RIT2: variants seen among roughly 807,000 people sequenced by gnomAD.
RIT2 encodes the protein GTP-binding protein Rit2.
RIT2 carries 24 observed loss-of-function variants against 23.7 expected under a neutral mutation model. That is an observed-to-expected ratio of 1.01 (90% CI 0.73 to 1.43). The LOEUF is 1.43. RIT2 is among the 40% of genes most tolerant of loss of function. The pLI is 0.00. For missense variants in RIT2, 236 were observed against 266.9 expected, an observed-to-expected ratio of 0.88 and a Z score of 0.81; for synonymous variants, 107 against 91.1, an observed-to-expected ratio of 1.17 and a Z score of -0.99.
At chr18:43,086,400 C>A (rs2144354202) in intron 1 of RIT2, among the ~76,000 whole-genome samples, 1 of 152,202 alleles carries the variant, frequency 6.6e-6, no homozygotes, top group Non-Finnish European at 1.5e-5. Flanking sequence ...ATGCAACCTA[C>A]CAAGACTGAA....
intron 4 of RIT2, among the ~76,000 whole-genome samples, chr18:42,827,737 G>A (rs1244224372): frequency 1.3e-5 from 2 of 152,104 alleles, no homozygotes; most frequent in East Asian, 1.9e-4. Flanking sequence ...CAGGCGTGGT[G>A]GCTCATGCCT....
At position 42,941,984 on chromosome 18, in the gene RIT2, A is replaced by G. The variant is rs144800492; in HGVS notation, c.235-18221T>C. ...AATTTGTTTAATCTCTGTCATTTCC[A>G]TTATAGCAGTTTATGCAAGGATAAG... is the stretch of plus-strand genomic sequence containing the variant. On this transcript the variant is annotated intron_variant, in intron 3 of 4. Transcript: ENST00000326695. Among the ~76,000 whole-genome samples the G allele has an allele frequency of 5.8e-3, 890 of 152,210 alleles. 8 individuals are homozygous for G. Among genetic ancestry groups the G allele is most frequent in the African/African-American group, 0.019 (775 of 41,542 alleles).
intron 4 of RIT2, among the ~76,000 whole-genome samples, chr18:42,794,629 T>TA (rs925484508): frequency 2.0e-4 from 31 of 152,310 alleles, no homozygotes; most frequent in African/African-American, 7.2e-4. Context: ...ACTTCTGATT[T>TA]AAAAAAATAT....
intron 2 of RIT2, among the ~76,000 whole-genome samples, chr18:43,028,457 C>T (rs912164349): frequency 6.6e-6 from 1 of 151,938 alleles, no homozygotes; most frequent in Non-Finnish European, 1.5e-5. Context: ...TTACAGGATC[C>T]GTTTGGAAAG....
At chr18:42,786,697 A>G (rs1485476932) in intron 4 of RIT2, among the ~76,000 whole-genome samples, 1 of 152,154 alleles carries the variant, frequency 6.6e-6, no homozygotes, top group Non-Finnish European at 1.5e-5. Context: ...TCTTTGCTCC[A>G]GTCACATAGA....
chr18:42,942,777 G>A (rs1037690100), intron 3 of RIT2, among the ~76,000 whole-genome samples: 3 of 152,028 alleles, frequency 2.0e-5, no homozygotes, highest in African/African-American at 7.2e-5. Context: ...ATAGGAAAAG[G>A]AGTAAATGAA....
chr18:42,963,759 G>A (rs981272442), intron 3 of RIT2, among the ~76,000 whole-genome samples: 2 of 151,818 alleles, frequency 1.3e-5, no homozygotes, highest in Non-Finnish European at 2.9e-5. Flanking sequence ...AGCTGAACAT[G>A]GTGGCAGGCA....
At chr18:42,885,195 C>T (rs538162701) in intron 4 of RIT2, among the ~76,000 whole-genome samples, 1 of 152,342 alleles carries the variant, frequency 6.6e-6, no homozygotes, top group South Asian at 2.1e-4. Context: ...GCTTTATGTG[C>T]TGCTTTTGTA....
chr18:42,997,116 G>A (rs1246844913), intron 2 of RIT2, among the ~76,000 whole-genome samples: 1 of 152,066 alleles, frequency 6.6e-6, no homozygotes, highest in Non-Finnish European at 1.5e-5. Flanking sequence ...AGGACACATA[G>A]CTACTGATTA....
chr18:43,015,386 G>A (rs1355670051), intron 2 of RIT2, among the ~76,000 whole-genome samples: 2 of 151,640 alleles, frequency 1.3e-5, no homozygotes, highest in Admixed American at 6.6e-5. Context: ...ATAGGCATGA[G>A]ATCATAAGTT....
At chr18:42,833,905 A>G (rs1906528656) in intron 4 of RIT2, among the ~76,000 whole-genome samples, 1 of 152,188 alleles carries the variant, frequency 6.6e-6, no homozygotes, top group South Asian at 2.1e-4. Context: ...GGTGAAAAGG[A>G]TTAGCTTTGT....
At chr18:42,794,981 T>C (rs1473431950) in intron 4 of RIT2, among the ~76,000 whole-genome samples, 2 of 152,208 alleles carry the variant, frequency 1.3e-5, no homozygotes, top group Non-Finnish European at 2.9e-5. Flanking sequence ...GTAGAAAAAT[T>C]GACACTAACA....
intron 1 of RIT2, among the ~76,000 whole-genome samples, chr18:43,051,215 C>T (rs983931945): frequency 6.6e-6 from 1 of 152,054 alleles, no homozygotes; most frequent in African/African-American, 2.4e-5. Flanking sequence ...AATCAAAACA[C>T]GTATTTGGCC....
At chr18:43,111,678 A>G (rs1913957329) in intron 1 of RIT2, among the ~76,000 whole-genome samples, 2 of 152,214 alleles carry the variant, frequency 1.3e-5, no homozygotes, top group African/African-American at 2.4e-5. Context: ...CATCCTATAC[A>G]TTAGATCTCT....
intron 2 of RIT2, among the ~76,000 whole-genome samples, chr18:43,022,909 C>A (rs568479552): frequency 1.3e-5 from 2 of 152,046 alleles, no homozygotes; most frequent in Non-Finnish European, 2.9e-5. Flanking sequence ...TTCAGAAGAG[C>A]TTATCATGAA....
At chr18:42,936,409 C>T (rs944579950) in intron 3 of RIT2, among the ~76,000 whole-genome samples, 1 of 152,120 alleles carries the variant, frequency 6.6e-6, no homozygotes, top group Non-Finnish European at 1.5e-5. Context: ...GTTAAGTTTC[C>T]TTTTAAGTAT....
intron 3 of RIT2, among the ~76,000 whole-genome samples, chr18:42,944,626 G>T (rs551848564): frequency 1.3e-5 from 2 of 152,158 alleles, no homozygotes; most frequent in South Asian, 2.1e-4. Flanking sequence ...ATCAGGTATC[G>T]CCCAATTCTC....
intron 4 of RIT2, among the ~76,000 whole-genome samples, chr18:42,872,075 AT>A (rs1907634620): frequency 1.3e-5 from 2 of 152,212 alleles, no homozygotes; most frequent in Non-Finnish European, 1.5e-5. Flanking sequence ...GCTTTAAAAA[AT>A]AATTTCTCTA....
intron 4 of RIT2, among the ~76,000 whole-genome samples, chr18:42,788,188 A>T (rs1184344705): frequency 6.6e-6 from 1 of 152,156 alleles, no homozygotes; most frequent in Non-Finnish European, 1.5e-5. Flanking sequence ...GGTTTAATAC[A>T]AAACAGCTAG....
Sources: allele counts gnomAD v4.1 joint callset (sites outside exome capture counted in the v4.1 genomes callset), GRCh38; gene constraint gnomAD v4.1.1; transcripts MANE v1.5; gene names NCBI Gene and HGNC (gene_info 2026-07-23, HGNC 2026-07-21).